Variants in TCF20 observed in about 807,000 individuals in gnomAD.
The protein encoded by TCF20 is SPRE-binding protein.
A neutral mutation model predicts 148.6 loss-of-function variants in TCF20; 3 were observed. The observed-to-expected ratio is 0.02, with a 90% CI of 0.01 to 0.05. The LOEUF is 0.05. Ranked by LOEUF, TCF20 falls within the 10% of genes least tolerant of loss-of-function variation. The probability of loss-of-function intolerance (pLI) is 1.00; values close to 1 mark genes in which losing one functional copy is unlikely to be tolerated. For synonymous variants in TCF20, 1,049 were observed against 909.5 expected, an observed-to-expected ratio of 1.15 and a Z score of -2.76; for missense variants, 2,350 against 2,429.3, an observed-to-expected ratio of 0.97 and a Z score of 0.69.
At chr22:42,296,920 C>T (rs1022268091) in intron 1 of TCF20, among the ~76,000 whole-genome samples, 8 of 152,252 alleles carry the variant, frequency 5.3e-5, no homozygotes, top group African/African-American at 1.7e-4. Context: ...ACAGCTGACA[C>T]TCAGCAAGCA....
intron 2 of TCF20, among the ~76,000 whole-genome samples, chr22:42,185,539 T>C (rs1027637724): frequency 6.6e-6 from 1 of 152,158 alleles, no homozygotes; most frequent in East Asian, 1.9e-4. Flanking sequence ...TTTTTTGTCC[T>C]TTTAATTATG....
intron 1 of TCF20, among the ~76,000 whole-genome samples, chr22:42,229,988 C>T (rs1283862929): frequency 6.6e-6 from 1 of 152,216 alleles, no homozygotes; most frequent in Non-Finnish European, 1.5e-5. Context: ...TGCTCTGCTA[C>T]TAGACTTCCC....
At chr22:42,306,148 C>T (rs766766506) in intron 1 of TCF20, among the ~76,000 whole-genome samples, 12 of 152,254 alleles carry the variant, frequency 7.9e-5, no homozygotes, top group Non-Finnish European at 1.8e-4. Context: ...TCAAGCTGAG[C>T]GCATGGCTAA....
intron 1 of TCF20, among the ~76,000 whole-genome samples, chr22:42,241,237 T>A (rs115124073): frequency 6.6e-6 from 1 of 152,002 alleles, no homozygotes; most frequent in Admixed American, 6.6e-5. Flanking sequence ...AAGCCTCTAA[T>A]TATTTCTATA....
At chr22:42,201,845 C>T (rs1158470654) in intron 2 of TCF20, among the ~76,000 whole-genome samples, 2 of 152,050 alleles carry the variant, frequency 1.3e-5, no homozygotes, top group African/African-American at 4.8e-5. Context: ...TAGATAATCG[C>T]TATCAAAACT....
intron 1 of TCF20, among the ~76,000 whole-genome samples, chr22:42,266,092 A>G (rs957602129): frequency 6.6e-6 from 1 of 152,052 alleles, no homozygotes; most frequent in Non-Finnish European, 1.5e-5. Flanking sequence ...TAAAAAAAAA[A>G]AAAAAGAGGG....
chr22:42,220,333 T>G (rs1922241537), intron 1 of TCF20, among the ~76,000 whole-genome samples: 1 of 152,126 alleles, frequency 6.6e-6, no homozygotes, highest in Non-Finnish European at 1.5e-5. Flanking sequence ...TGGCTAATTT[T>G]TAAAAAATAA....
chr22:42,239,124 GAAAA>G (rs892268967), intron 1 of TCF20, among the ~76,000 whole-genome samples: 1 of 140,902 alleles, frequency 7.1e-6, no homozygotes, highest in Non-Finnish European at 1.6e-5. Flanking sequence ...TCTCAAAAAA[GAAAA>G]AAAAAAGTAA....
At chr22:42,170,176 A>G (rs1464553265) in intron 3 of TCF20, among the ~76,000 whole-genome samples, 2 of 152,022 alleles carry the variant, frequency 1.3e-5, no homozygotes, top group Non-Finnish European at 2.9e-5. Flanking sequence ...TAAATGTGCT[A>G]ATTTTATTAA....
At chr22:42,193,024 T>G (rs1432095897) in intron 2 of TCF20, among the ~76,000 whole-genome samples, 1 of 152,196 alleles carries the variant, frequency 6.6e-6, no homozygotes, top group Non-Finnish European at 1.5e-5. Flanking sequence ...GTTCTTATCC[T>G]CAAGAAAGTT....
Position 42,210,657 on chromosome 22 carries a change from T to C in TCF20, c.4649A>G (p.Gln1550Arg). 2 of 1,614,192 alleles carry C rather than the reference T, an allele frequency of 1.2e-6. No homozygotes were observed. Among genetic ancestry groups the C allele is most frequent in the Non-Finnish European group, 1.7e-6 (2 of 1,180,040 alleles). ...AGGCGGTGGCTGCTGCTGTTTCTTT[T>C]GCTTATTCACACTACCAATGGGTCT... is the stretch of plus-strand genomic sequence containing the variant. Reference protein sequence around the residue: ...KGRPIGSVNKQKKQQQPPPPP... With the variant: ...KGRPIGSVNKRKKQQQPPPPP... Residue 1550 changes from glutamine (Q) to arginine (R), a missense_variant, in exon 2 of 6, where the codon CAA becomes CGA. Around this residue, in one of 7 missense-constraint regions of TCF20, gnomAD observed 374 missense variants for 398.3 expected, o/e 0.94. Transcript: ENST00000677622. This position sits in a 1 kb window ranked among gnomAD's most constrained non-coding sequence, Gnocchi z 4.7.
intron 1 of TCF20, among the ~76,000 whole-genome samples, chr22:42,256,395 A>G (rs1454608154): frequency 6.6e-6 from 1 of 151,296 alleles, no homozygotes; most frequent in Non-Finnish European, 1.5e-5. Context: ...TTTCATTCCC[A>G]TAGGCTTCAT....
chr22:42,337,113 C>A (rs1928080789), intron 1 of TCF20, among the ~76,000 whole-genome samples: 2 of 152,174 alleles, frequency 1.3e-5, no homozygotes, highest in South Asian at 4.1e-4. Context: ...GCAGTCAGAT[C>A]TGACCACATC....
intron 1 of TCF20, among the ~76,000 whole-genome samples, chr22:42,311,602 G>C (rs1927537907): frequency 6.6e-6 from 1 of 152,210 alleles, no homozygotes; most frequent in Non-Finnish European, 1.5e-5. Context: ...CAGTTGAAGG[G>C]TATGGACGGG....
intron 1 of TCF20, among the ~76,000 whole-genome samples, chr22:42,227,259 A>T (rs1238584146): frequency 6.6e-6 from 1 of 152,222 alleles, no homozygotes; most frequent in Non-Finnish European, 1.5e-5. Context: ...CCTGGGAGAC[A>T]GAGCAACAGC....
rs181142219 is a variant in TCF20 at position 42,218,644 on chromosome 22, A to C, written c.-36-3303T>G. ...TGTTTAATTAATCCTTCTGGAAATAAAATCAGGCTTCTGAAGATCTGAGTG... is the reference window on the plus strand; with the variant it reads ...TGTTTAATTAATCCTTCTGGAAATACAATCAGGCTTCTGAAGATCTGAGTG... On this transcript the variant is annotated intron_variant, in intron 1 of 5. Coordinates refer to ENST00000677622, the MANE Select transcript of TCF20 (RefSeq NM_001378418.1). Among the ~76,000 whole-genome samples the C allele has an allele frequency of 2.6e-5, 4 of 152,336 alleles. No individual in the cohort carries two copies. In the East Asian group the frequency reaches 7.7e-4, roughly 29 times the overall value.
intron 2 of TCF20, 135 bp from the exon 3 acceptor site, chr22:42,179,837 T>C: frequency 1.5e-6 from 1 of 646,012 alleles, no homozygotes. Context: ...CAGGATGAGC[T>C]GGTCAATTTC....
rs577023744 is a variant in TCF20 at position 42,328,310 on chromosome 22, G to A, written c.-37+15169C>T. Among the ~76,000 whole-genome samples, 5 of 152,284 alleles carry A rather than the reference G, an allele frequency of 3.3e-5. 1 individual carries two copies. In the East Asian group the frequency reaches 7.7e-4, roughly 24 times the overall value. On this transcript the variant is annotated intron_variant, in intron 1 of 1. Coordinates refer to the TCF20 transcript ENST00000515426. The stretch of plus-strand genomic sequence containing the variant: ...ATTTTCAGCAAATGAGCAGCCCTGT[G>A]GGGCATCCTGTGGGCTCCCCTGAGG...
At chr22:42,270,098 A>C (rs1418379688) in intron 1 of TCF20, 1 of 151,860 alleles carries the variant, frequency 6.6e-6, no homozygotes, top group African/African-American at 2.4e-5. Flanking sequence ...CCGGCCCAAG[A>C]CACCTTAGCC....
Sources: gnomAD v4.1 joint callset for allele counts (sites outside exome capture counted in the v4.1 genomes callset) on GRCh38, gnomAD v4.1.1 for gene constraint, gnomAD v4.1.1 regional missense constraint, Gnocchi (gnomAD v3.1) non-coding constraint, MANE v1.5 for transcripts, NCBI Gene and HGNC (gene_info 2026-07-23, HGNC 2026-07-21) for gene names.